Variants in NELL1 observed in about 807,000 individuals in gnomAD.
NELL1 encodes the protein neural EGFL like 1.
A neutral mutation model predicts 107.4 loss-of-function variants in NELL1; 76 were observed. That is an observed-to-expected ratio of 0.71 (90% CI 0.59 to 0.86). The LOEUF (loss-of-function observed/expected upper bound fraction) is 0.86. NELL1 is among the 40% of genes least tolerant of loss of function. The probability of loss-of-function intolerance (pLI) is 0.00; values close to 1 mark genes in which losing one functional copy is unlikely to be tolerated. For synonymous variants in NELL1, 353 were observed against 341.2 expected (o/e 1.03, Z -0.38); for missense variants, 1,024 against 1,005.5 (o/e 1.02, Z -0.25).
intron 15 of NELL1, among the ~76,000 whole-genome samples, chr11:21,472,736 G>C (rs1398527117): frequency 6.6e-6 from 1 of 151,772 alleles, no homozygotes; most frequent in African/African-American, 2.4e-5. Context: ...TATCTGCTGA[G>C]ATGACACAAG....
chr11:21,111,951 A>C (rs937008123), intron 12 of NELL1, among the ~76,000 whole-genome samples: 1 of 152,054 alleles, frequency 6.6e-6, no homozygotes, highest in Non-Finnish European at 1.5e-5. Context: ...AAGCAACAAT[A>C]ACTAAATCAC....
At chr11:21,340,444 G>A (rs1485164378) in intron 14 of NELL1, among the ~76,000 whole-genome samples, 5 of 152,044 alleles carry the variant, frequency 3.3e-5, no homozygotes, top group African/African-American at 9.7e-5. Context: ...GAGCCACCGC[G>A]CCCAGCCAGC....
At chr11:21,536,146 G>T (rs925629166) in intron 16 of NELL1, among the ~76,000 whole-genome samples, 6 of 151,978 alleles carry the variant, frequency 3.9e-5, no homozygotes, top group Non-Finnish European at 8.8e-5. Flanking sequence ...TCATGTGCAG[G>T]TTTCTTCCCT....
chr11:21,150,997 A>G (rs1204968287), intron 13 of NELL1, among the ~76,000 whole-genome samples: 1 of 152,056 alleles, frequency 6.6e-6, no homozygotes, highest in East Asian at 1.9e-4. Context: ...CTTTTAAACA[A>G]CCAGATCTCA....
chr11:20,809,992 G>C (rs1261459089), intron 3 of NELL1, among the ~76,000 whole-genome samples: 1 of 152,078 alleles, frequency 6.6e-6, no homozygotes, highest in East Asian at 1.9e-4. Flanking sequence ...AGTGTGTGAG[G>C]ATTCCTTTTT....
intron 13 of NELL1, among the ~76,000 whole-genome samples, chr11:21,151,962 T>C (rs1318474801): frequency 6.6e-6 from 1 of 152,238 alleles, no homozygotes; most frequent in African/African-American, 2.4e-5. Flanking sequence ...AGAGGTCTTT[T>C]GCCTCTTCAA....
intron 17 of NELL1, among the ~76,000 whole-genome samples, chr11:21,564,853 CATCTGATCTGGTT>C (rs1313304474): frequency 6.6e-6 from 1 of 151,866 alleles, no homozygotes; most frequent in African/African-American, 2.4e-5. Context: ...GAATCATGGC[CATCTGATCTGGTT>C]TATGTAAACC....
At chr11:21,276,407 G>T (rs1319327954) in intron 14 of NELL1, among the ~76,000 whole-genome samples, 7 of 152,084 alleles carry the variant, frequency 4.6e-5, no homozygotes, top group Non-Finnish European at 8.8e-5. Context: ...AGGATACAGA[G>T]AAATGGAAGA....
Position 21,014,909 on chromosome 11 carries a change from T to G in NELL1, c.1300+54349T>G, listed in dbSNP as rs1289382618. ...CCTCTTAAAGTACTTCTGAGAAAAA[T>G]AGTCTTGATTTTGGCTCTTGTTTTC... On this transcript the variant is annotated intron_variant, in intron 12 of 19. Coordinates refer to ENST00000357134, the MANE Select transcript of NELL1 (RefSeq NM_006157.5). Among the ~76,000 whole-genome samples the G allele has an allele frequency of 2.6e-5, 4 of 152,218 alleles. No individual in the cohort carries two copies. In the East Asian group the frequency reaches 7.8e-4, roughly 30 times the overall value.
chr11:21,231,704 A>C (rs1220537085), intron 14 of NELL1, among the ~76,000 whole-genome samples: 2 of 152,194 alleles, frequency 1.3e-5, no homozygotes, highest in Non-Finnish European at 2.9e-5. Flanking sequence ...TTGTAAGTCC[A>C]GCTGTGAAAA....
rs368813039 is a variant in NELL1, at chr11:20,927,291, G to C, written c.760-17G>C. On this transcript the variant is annotated splice_polypyrimidine_tract_variant and intron_variant, in intron 7 of 19. Transcript: ENST00000357134. ...AATTGAATTACAGAAATTACATTCA[G>C]TAACTCTTGTTTGCAGCTAAATTAT... The C allele has an allele frequency of 4.0e-5, 63 of 1,594,162 alleles. No homozygotes were observed. The African/African-American group carries it at 7.3e-4, about 19-fold the overall frequency.
intron 12 of NELL1, among the ~76,000 whole-genome samples, chr11:20,969,152 C>A (rs1314977828): frequency 6.6e-6 from 1 of 152,162 alleles, no homozygotes; most frequent in Non-Finnish European, 1.5e-5. Flanking sequence ...GATTTGACTA[C>A]TTAACCATGC....
chr11:20,695,387 G>C (rs1258462502), intron 2 of NELL1, among the ~76,000 whole-genome samples: 2 of 152,072 alleles, frequency 1.3e-5, no homozygotes, highest in Non-Finnish European at 2.9e-5. Context: ...CAAGGGGAAT[G>C]CTCCCAGCTT....
intron 14 of NELL1, among the ~76,000 whole-genome samples, chr11:21,240,124 C>T (rs961196566): frequency 6.6e-6 from 1 of 152,036 alleles, no homozygotes; most frequent in East Asian, 1.9e-4. Context: ...CCATTCCCTC[C>T]TGAAGTCTGG....
intron 2 of NELL1, among the ~76,000 whole-genome samples, chr11:20,693,427 G>C (rs1176455403): frequency 1.3e-5 from 2 of 152,060 alleles, no homozygotes; most frequent in African/African-American, 4.8e-5. Context: ...GCTGGTACCG[G>C]TTGTGCCTTT....
intron 14 of NELL1, chr11:21,283,511 G>A (rs1670653): frequency 0.92 from 139,988 of 152,312 alleles, 64,520 homozygotes; most frequent in Non-Finnish European, 0.95. Context: ...TTAAAAGCAT[G>A]TGATACAGAG....
chr11:21,377,494 G>A (rs529348551), intron 15 of NELL1, among the ~76,000 whole-genome samples: 1 of 152,120 alleles, frequency 6.6e-6, no homozygotes, highest in East Asian at 1.9e-4. Flanking sequence ...AGGCACAATG[G>A]CCTTTAGTTT....
At chr11:21,546,923 A>G (rs1391530445) in intron 16 of NELL1, among the ~76,000 whole-genome samples, 1 of 152,010 alleles carries the variant, frequency 6.6e-6, no homozygotes, top group African/African-American at 2.4e-5. Context: ...GTCAGCATAA[A>G]ATCACTAGTC....
At position 21,036,396 on chromosome 11, in the gene NELL1, A is replaced by G. The variant is rs189143411; in HGVS notation, c.1300+75836A>G. 2.0e-5 allele frequency among the ~76,000 whole-genome samples: 3 copies of G among 152,290 alleles called. No individual in the cohort carries two copies. In the East Asian group the frequency reaches 5.8e-4, roughly 29 times the overall value. On this transcript the variant is annotated intron_variant, in intron 12 of 19. Transcript: ENST00000357134. ...TAGAGAAAACTATTTTAAAATTTAT[A>G]TGGAACCAAAAAACAGCCAAATAGC...
Sources: allele counts gnomAD v4.1 joint callset (sites outside exome capture counted in the v4.1 genomes callset), GRCh38; gene constraint gnomAD v4.1.1; transcripts MANE v1.5; gene names NCBI Gene and HGNC (gene_info 2026-07-23, HGNC 2026-07-21).